MTNAP1: variants seen among roughly 807,000 people sequenced by gnomAD.
MTNAP1 encodes the protein mitochondrial nucleoid associated protein 1, also known as mitochondrial nucleoid-associated protein 1.
chr17:73,247,379 C>T, the MTNAP1 span: 2 of 1,604,968 alleles, frequency 1.2e-6, no homozygotes, highest in South Asian at 2.2e-5. Context: ...CGTGACTTCT[C>T]TCTAGTGCCT....
the MTNAP1 span, chr17:73,236,663 A>T: frequency 1.3e-5 from 21 of 1,614,060 alleles, no homozygotes; most frequent in Non-Finnish European, 1.7e-5. Context: ...GCCCAGAATC[A>T]TCATTGTGTC....
the MTNAP1 span, chr17:73,235,436 A>G: frequency 6.7e-7 from 1 of 1,497,950 alleles, no homozygotes; most frequent in African/African-American, 1.4e-5. Context: ...GGTATGTACA[A>G]ACTATGTGCT....
At chr17:73,232,714 C>T in the MTNAP1 span, 4 of 180,492 alleles carry the variant, frequency 2.2e-5, no homozygotes, top group South Asian at 6.6e-4. Context: ...TCAGGTCTTC[C>T]GAGGTGAGGA....
At chr17:73,244,983 G>A in the MTNAP1 span, among the ~76,000 whole-genome samples, 2 of 152,100 alleles carry the variant, frequency 1.3e-5, no homozygotes, top group African/African-American at 4.8e-5. Flanking sequence ...AGTCTGAAAG[G>A]GATTGTTTGA....
At chr17:73,242,828 G>A in the MTNAP1 span, 2 of 1,287,390 alleles carry the variant, frequency 1.6e-6, no homozygotes, top group Non-Finnish European at 2.2e-6. Context: ...GGGAAAACTT[G>A]AATGACTCGC....
chr17:73,248,690 A>G, the MTNAP1 span: 1 of 764,676 alleles, frequency 1.3e-6, no homozygotes, highest in East Asian at 2.7e-5. Flanking sequence ...AGTTGGGAAT[A>G]TTCACGGACA....
chr17:73,244,946 G>A, the MTNAP1 span, among the ~76,000 whole-genome samples: 1 of 152,194 alleles, frequency 6.6e-6, no homozygotes, highest in Non-Finnish European at 1.5e-5. Context: ...CTCCCACAGA[G>A]AAAAGGGCTT....
chr17:73,245,146 A>C, the MTNAP1 span: 2 of 1,613,334 alleles, frequency 1.2e-6, no homozygotes, highest in East Asian at 4.5e-5. Context: ...GGATCCTTAC[A>C]TTTGTCTCTG....
At chr17:73,237,578 C>T in the MTNAP1 span, among the ~76,000 whole-genome samples, 1 of 152,080 alleles carries the variant, frequency 6.6e-6, no homozygotes, top group Non-Finnish European at 1.5e-5. Context: ...GAGTTTCTGC[C>T]TTGAGAAGAG....
chr17:73,242,538 T>C, the MTNAP1 span, among the ~76,000 whole-genome samples: 1 of 152,178 alleles, frequency 6.6e-6, no homozygotes, highest in African/African-American at 2.4e-5. Context: ...CCAAAGCTAA[T>C]AACAGCTACC....
the MTNAP1 span, among the ~76,000 whole-genome samples, chr17:73,242,510 T>C: frequency 6.6e-6 from 1 of 151,838 alleles, no homozygotes; most frequent in Non-Finnish European, 1.5e-5. Context: ...ATTTTGGAGT[T>C]GGACATAATT....
At chr17:73,241,986 G>A in the MTNAP1 span, among the ~76,000 whole-genome samples, 1 of 152,150 alleles carries the variant, frequency 6.6e-6, no homozygotes, top group African/African-American at 2.4e-5. Flanking sequence ...TCAATCACCT[G>A]GCCAGGGTAC....
the MTNAP1 span, among the ~76,000 whole-genome samples, chr17:73,233,933 AAC>A: frequency 1.2e-3 from 179 of 152,290 alleles, no homozygotes; most frequent in South Asian, 6.4e-3. Context: ...GTTGGCAGAA[AAC>A]AGTTTTGTTT....
chr17:73,242,163 CGTGGATCCT>C, the MTNAP1 span: 1 of 868,780 alleles, frequency 1.2e-6, no homozygotes, highest in Non-Finnish European at 1.8e-6. Flanking sequence ...GAGGCTTAGC[CGTGGATCCT>C]TCGGCACTGG....
the MTNAP1 span, among the ~76,000 whole-genome samples, chr17:73,239,145 A>G: frequency 6.6e-6 from 1 of 152,054 alleles, no homozygotes; most frequent in South Asian, 2.1e-4. Context: ...CGTGTTGGTC[A>G]GGCTGGTCTT....
chr17:73,237,548 T>C, the MTNAP1 span, among the ~76,000 whole-genome samples: 39 of 152,314 alleles, frequency 2.6e-4, no homozygotes, highest in African/African-American at 8.9e-4. Flanking sequence ...TAGGGCAGGC[T>C]GGCGATACTG....
chr17:73,236,888 A>G, the MTNAP1 span: 16 of 1,613,960 alleles, frequency 9.9e-6, no homozygotes, highest in East Asian at 1.3e-4. Context: ...CCAGAGCTCT[A>G]TCCTGGTTAC....
chr17:73,236,328 T>A, the MTNAP1 span: 1 of 1,614,040 alleles, frequency 6.2e-7, no homozygotes, highest in Non-Finnish European at 8.5e-7. Flanking sequence ...TTTTAAGCCT[T>A]AAAATGAGCT....
At chr17:73,245,813 C>T in the MTNAP1 span, 2 of 742,014 alleles carry the variant, frequency 2.7e-6, no homozygotes, top group African/African-American at 3.8e-5. Context: ...ACATTTTATA[C>T]ATCTTAATTG....
Sources: allele counts gnomAD v4.1 joint callset (sites outside exome capture counted in the v4.1 genomes callset), GRCh38; gene constraint gnomAD v4.1.1; transcripts MANE v1.5; gene names NCBI Gene and HGNC (gene_info 2026-07-23, HGNC 2026-07-21).